RNF121: variants seen among roughly 807,000 people sequenced by gnomAD.
RNF121 encodes E3 ubiquitin ligase RNF121.
Under a neutral mutation model 46.5 loss-of-function variants are expected in RNF121, and 21 were observed. That is an observed-to-expected ratio of 0.45 (90% CI 0.32 to 0.65). RNF121 has a LOEUF of 0.65. Among genes scored for constraint, RNF121 ranks in the 30% least tolerant of loss-of-function variants. The probability of loss-of-function intolerance (pLI) is 0.04; values close to 1 mark genes in which losing one functional copy is unlikely to be tolerated. For missense variants in RNF121, 346 were observed against 416.0 expected (o/e 0.83, Z 1.46); for synonymous variants, 139 against 144.7 (o/e 0.96, Z 0.28).
chr11:71,947,055 G>A (rs979942113), intron 1 of RNF121, among the ~76,000 whole-genome samples: 15 of 151,984 alleles, frequency 9.9e-5, no homozygotes, highest in East Asian at 3.9e-4. Context: ...AAGTAGAGAC[G>A]GGGTTTCACC....
intron 3 of RNF121, among the ~76,000 whole-genome samples, chr11:71,967,040 T>G (rs554237025): frequency 4.2e-5 from 6 of 143,592 alleles, no homozygotes; most frequent in African/African-American, 1.5e-4. Context: ...CCCGGCTAAT[T>G]TTTTGTATTT....
chr11:71,993,266 T>C (rs1954901165), intron 6 of RNF121, among the ~76,000 whole-genome samples: 1 of 152,254 alleles, frequency 6.6e-6, no homozygotes, highest in Non-Finnish European at 1.5e-5. Context: ...AGTATACAAT[T>C]CATGCATTAA....
chr11:71,991,630 A>G (rs568068653), intron 6 of RNF121, among the ~76,000 whole-genome samples: 1 of 152,288 alleles, frequency 6.6e-6, no homozygotes, highest in East Asian at 1.9e-4. Flanking sequence ...TTGAACAATG[A>G]ATAGCAGTTA....
intron 1 of RNF121, among the ~76,000 whole-genome samples, chr11:71,952,866 G>T (rs149495333): frequency 3.9e-5 from 6 of 151,944 alleles, no homozygotes; most frequent in African/African-American, 1.5e-4. Context: ...GTAACTTATC[G>T]ATCACCTCAA....
intron 1 of RNF121, among the ~76,000 whole-genome samples, chr11:71,929,460 G>A (rs1953209413): frequency 1.3e-5 from 2 of 152,044 alleles, no homozygotes; most frequent in South Asian, 4.2e-4. Flanking sequence ...TTGGAGGGAC[G>A]TGAATTTCTT....
intron 4 of RNF121, chr11:71,983,319 A>C (rs1339957949): frequency 6.4e-6 from 1 of 155,082 alleles, no homozygotes; most frequent in Non-Finnish European, 1.4e-5. Context: ...TACCGTTTTG[A>C]GTATCTATCT....
At chr11:71,971,120 A>T (rs1590799445) in intron 3 of RNF121, among the ~76,000 whole-genome samples, 1 of 152,326 alleles carries the variant, frequency 6.6e-6, no homozygotes, top group East Asian at 1.9e-4. Context: ...GTGGTGACTC[A>T]TGCCTGTAAT....
chr11:71,950,089 A>G (rs2134164266), intron 1 of RNF121, among the ~76,000 whole-genome samples: 1 of 152,218 alleles, frequency 6.6e-6, no homozygotes, highest in Non-Finnish European at 1.5e-5. Context: ...AGAATTCTCT[A>G]GCTGTATAGT....
intron 3 of RNF121, among the ~76,000 whole-genome samples, chr11:71,976,566 G>A (rs1954531227): frequency 6.6e-6 from 1 of 151,862 alleles, no homozygotes; most frequent in Non-Finnish European, 1.5e-5. Context: ...ATGTTGGTTG[G>A]CCAGTATGGT....
chr11:71,996,313 T>C lies in RNF121; in HGVS notation c.982T>C (p.Ter328GlnextTer1), dbSNP rs1188165278. 6.2e-7 allele frequency: 1 copy of C among 1,614,036 alleles called. No homozygotes were observed. The highest frequency in any genetic ancestry group is 2.2e-5 in the East Asian group (1 of 44,848). ...QGINYILGLE* is the reference protein window; with the variant it reads ...QGINYILGLEQ ...CATCAACTACATCCTGGGCCTGGAA[T>C]AGTGATGAAGAGCATCAGTGGAAAA... is the stretch of plus-strand genomic sequence containing the variant. The change falls in exon 9 of 9, where the codon TAG (stop) becomes CAG (glutamine). Residue 328 changes from the stop codon to glutamine, a stop_lost. Coordinates refer to ENST00000361756, the MANE Select transcript of RNF121 (RefSeq NM_018320.5).
At chr11:71,987,510 G>T (rs954839801) in intron 5 of RNF121, among the ~76,000 whole-genome samples, 1 of 152,114 alleles carries the variant, frequency 6.6e-6, no homozygotes, top group African/African-American at 2.4e-5. Context: ...CTAGGCCAGG[G>T]GTTGGCAAAC....
chr11:71,936,476 G>A (rs1020155613), intron 1 of RNF121, among the ~76,000 whole-genome samples: 2 of 151,724 alleles, frequency 1.3e-5, no homozygotes, highest in African/African-American at 2.4e-5. Context: ...TGCAAGTTCC[G>A]CCTCCTGGGT....
At chr11:71,931,757 T>C (rs1009986684) in intron 1 of RNF121, among the ~76,000 whole-genome samples, 1 of 151,986 alleles carries the variant, frequency 6.6e-6, no homozygotes, top group African/African-American at 2.4e-5. Context: ...GTCAGTAAAG[T>C]CTTTATGATA....
At chr11:71,960,040 C>G (rs1954093413) in intron 2 of RNF121, among the ~76,000 whole-genome samples, 1 of 152,192 alleles carries the variant, frequency 6.6e-6, no homozygotes, top group African/African-American at 2.4e-5. Context: ...AAGGGAATCA[C>G]TTGCTGCCAG....
At chr11:71,949,469 C>G (rs1020712704) in intron 1 of RNF121, among the ~76,000 whole-genome samples, 1 of 152,170 alleles carries the variant, frequency 6.6e-6, no homozygotes, top group African/African-American at 2.4e-5. Flanking sequence ...AATCCCAACA[C>G]TTTGGGAGGC....
Position 71,929,047 on chromosome 11 carries a change from G to T in RNF121, c.-15G>T. On this transcript the variant is annotated 5_prime_UTR_variant, in exon 1 of 9. Transcript: ENST00000361756. ...GGCTCGCGCGGGGACTGCGGTGAGGGGGCGAGCCGTGAAGATGGCGGCAGT... is the reference window on the plus strand; with the variant it reads ...GGCTCGCGCGGGGACTGCGGTGAGGTGGCGAGCCGTGAAGATGGCGGCAGT... 1 of 1,551,088 alleles carries T rather than the reference G, an allele frequency of 6.4e-7. No homozygotes were observed. The highest frequency in any genetic ancestry group is 8.7e-7 in the Non-Finnish European group (1 of 1,146,970).
In RNF121 at chr11:71,982,863, G is replaced by A. The variant is rs772552733; in HGVS notation, c.346G>A (p.Ala116Thr). 1.2e-6 allele frequency: 2 copies of A among 1,613,908 alleles called. No homozygotes were observed. The highest frequency in any genetic ancestry group is 1.7e-6 in the Non-Finnish European group (2 of 1,179,924). The change falls in exon 4 of 9, where the codon GCC becomes ACC. Residue 116 changes from alanine to threonine, a missense_variant. Coordinates refer to ENST00000361756, the MANE Select transcript of RNF121 (RefSeq NM_018320.5). Reference protein sequence around the residue: ...VIWILFSAVTAFVTFRATRKP... With the variant: ...VIWILFSAVTTFVTFRATRKP... ...CTGGATCTTGTTCTCTGCTGTCACA[G>A]CCTTTGTTACCTTCCGAGCCACCCG...
intron 4 of RNF121, among the ~76,000 whole-genome samples, chr11:71,985,510 G>C (rs1746571810): frequency 6.6e-6 from 1 of 152,118 alleles, no homozygotes; most frequent in African/African-American, 2.4e-5. Flanking sequence ...CTGGAGAATA[G>C]AGCTGTGTGT....
At chr11:71,957,299 A>G in intron 2 of RNF121, 35 bp downstream of exon 2, 2 of 1,375,958 alleles carry the variant, frequency 1.5e-6, no homozygotes, top group Non-Finnish European at 2.0e-6. Context: ...CAGTCTAGGA[A>G]CTGCAGGTTA....
Sources: allele counts gnomAD v4.1 joint callset (sites outside exome capture counted in the v4.1 genomes callset), GRCh38; gene constraint gnomAD v4.1.1; transcripts MANE v1.5; gene names NCBI Gene and HGNC (gene_info 2026-07-23, HGNC 2026-07-21).